The following ADAMTS2 variants were observed in gnomAD, a reference collection of about 807,000 sequenced individuals.
The protein encoded by ADAMTS2 is ADAM metallopeptidase with thrombospondin type 1 motif 2.
In ADAMTS2, 50 loss-of-function variants were observed where a neutral mutation model predicts 123.0. The ratio of observed to expected loss-of-function variants is 0.41; its 90% CI spans 0.32 to 0.51. The LOEUF (loss-of-function observed/expected upper bound fraction) is 0.51. ADAMTS2 is among the 20% of genes least tolerant of loss of function. ADAMTS2 has a pLI of 0.35. For missense variants in ADAMTS2, 1,494 were observed against 1,705.2 expected, an observed-to-expected ratio of 0.88 and a Z score of 2.18; for synonymous variants, 678 against 695.4, an observed-to-expected ratio of 0.98 and a Z score of 0.39.
intron 2 of ADAMTS2, among the ~76,000 whole-genome samples, chr5:179,294,650 G>A (rs937747294): frequency 7.2e-5 from 11 of 152,334 alleles, no homozygotes; most frequent in East Asian, 5.8e-4. Flanking sequence ...CAGCTTCCCC[G>A]CAGGGCTGCA....
In ADAMTS2 at chr5:179,122,861, A is replaced by G. The variant is rs536409425; in HGVS notation, c.2959-88T>C. 1,400 of 1,536,028 alleles carry G rather than the reference A, an allele frequency of 9.1e-4. 5 individuals are homozygous for G. The highest frequency in any genetic ancestry group is 8.4e-4 in the Non-Finnish European group (960 of 1,139,022). The stretch of plus-strand genomic sequence containing the variant: ...GGAGGAGCCCACAGTCCCCAGGCAC[A>G]TGACCCATGCGCTCAGGAGGAGGTG... On this transcript the variant is annotated intron_variant, in intron 19 of 21. Transcript: ENST00000251582.
chr5:179,208,903 C>T (rs1402149078), intron 3 of ADAMTS2, among the ~76,000 whole-genome samples: 1 of 152,164 alleles, frequency 6.6e-6, no homozygotes. Context: ...ACCCACAGGG[C>T]GGTGGCCAGG....
chr5:179,132,683 G>C lies in ADAMTS2; in HGVS notation c.2209+94C>G, dbSNP rs1394219545. The stretch of plus-strand genomic sequence containing the variant: ...CCCTCCCCAGAACAGTCATAAGCCC[G>C]GACAGCCCCAGGATGAGTCAGGCCC... On this transcript the variant is annotated intron_variant, in intron 14 of 21. Coordinates refer to ENST00000251582, the MANE Select transcript of ADAMTS2 (RefSeq NM_014244.5). This position sits in a 1 kb window ranked among gnomAD's most constrained non-coding sequence, Gnocchi z 6.1. 6 of 1,391,310 alleles carry C rather than the reference G, an allele frequency of 4.3e-6. No individual in the cohort carries two copies. The Admixed American group carries it at 9.3e-5, about 22-fold the overall frequency. The allele number at this position is 1,391,310 out of a possible 1,614,324, so 86.2% of individuals were successfully genotyped here.
chr5:179,293,255 G>A (rs1025423752), intron 2 of ADAMTS2, among the ~76,000 whole-genome samples: 1 of 152,252 alleles, frequency 6.6e-6, no homozygotes, highest in African/African-American at 2.4e-5. Flanking sequence ...CTTCACAAAA[G>A]AGGCAGCGGC....
At chr5:179,121,388 G>A in intron 21 of ADAMTS2, 1 of 277,090 alleles carries the variant, frequency 3.6e-6, no homozygotes, top group Non-Finnish European at 6.7e-6. Context: ...TTGGCCACCG[G>A]CCCCTCCTGC....
At chr5:179,206,364 C>T (rs1764694661) in intron 4 of ADAMTS2, among the ~76,000 whole-genome samples, 1 of 152,188 alleles carries the variant, frequency 6.6e-6, no homozygotes, top group Non-Finnish European at 1.5e-5. Flanking sequence ...GGGCTCACCC[C>T]TGGTCCGAAA....
At chr5:179,296,915 G>A (rs1756355373) in intron 2 of ADAMTS2, among the ~76,000 whole-genome samples, 1 of 152,208 alleles carries the variant, frequency 6.6e-6, no homozygotes, top group Non-Finnish European at 1.5e-5. Flanking sequence ...CATGCCGTCT[G>A]TAACACATGC....
In ADAMTS2 at chr5:179,332,992, G is replaced by A. The variant is rs890642380; in HGVS notation, c.534+10775C>T. Among the ~76,000 whole-genome samples, 8 of 152,164 alleles carry A rather than the reference G, an allele frequency of 5.3e-5. No homozygotes were observed. Among genetic ancestry groups the A allele is most frequent in the East Asian group, 1.9e-4 (1 of 5,186 alleles). ...GAGCCCTCACCCCCTTATCCTGCCC[G>A]CTTGCCTGTGAGGACCCCTCCCTAC... On this transcript the variant is annotated intron_variant, in intron 2 of 21. Coordinates refer to ENST00000251582, the MANE Select transcript of ADAMTS2 (RefSeq NM_014244.5). This position sits in a 1 kb window ranked among gnomAD's most constrained non-coding sequence, Gnocchi z 4.2.
At chr5:179,269,425 G>T (rs1766466737) in intron 3 of ADAMTS2, among the ~76,000 whole-genome samples, 1 of 152,162 alleles carries the variant, frequency 6.6e-6, no homozygotes, top group Admixed American at 6.5e-5. Flanking sequence ...CATGGCAGAA[G>T]ATGAAAGGCA....
chr5:179,119,291 G>T (rs1707929400), intron 21 of ADAMTS2, among the ~76,000 whole-genome samples: 1 of 152,174 alleles, frequency 6.6e-6, no homozygotes, highest in Non-Finnish European at 1.5e-5. Flanking sequence ...CGCTACCATG[G>T]TTGCTCCCTC....
At chr5:179,205,814 G>C (rs1366645422) in intron 4 of ADAMTS2, among the ~76,000 whole-genome samples, 11 of 150,266 alleles carry the variant, frequency 7.3e-5, no homozygotes, top group Middle Eastern at 3.2e-3. Context: ...CTCTGTCACT[G>C]AGGCTAGAGT....
intron 3 of ADAMTS2, among the ~76,000 whole-genome samples, chr5:179,257,167 C>T (rs1217002598): frequency 6.6e-6 from 1 of 152,220 alleles, no homozygotes; most frequent in African/African-American, 2.4e-5. Context: ...CCCCACACTC[C>T]TTCCCAGTTC....
At chr5:179,245,934 C>A (rs1213181209) in intron 3 of ADAMTS2, among the ~76,000 whole-genome samples, 1 of 151,968 alleles carries the variant, frequency 6.6e-6, no homozygotes, top group African/African-American at 2.4e-5. Context: ...ACCAAAGTGA[C>A]AGAATAGAGG....
intron 2 of ADAMTS2, among the ~76,000 whole-genome samples, chr5:179,293,170 T>G (rs1006605744): frequency 6.6e-6 from 1 of 152,206 alleles, no homozygotes; most frequent in Non-Finnish European, 1.5e-5. Flanking sequence ...CACTTTCCTC[T>G]GCTCCCCGAA....
At chr5:179,173,054 A>G (rs1298333779) in intron 5 of ADAMTS2, among the ~76,000 whole-genome samples, 2 of 150,076 alleles carry the variant, frequency 1.3e-5, no homozygotes, top group Non-Finnish European at 3.0e-5. Flanking sequence ...AAAAAAAAAG[A>G]AAAAAAAATT....
intron 2 of ADAMTS2, among the ~76,000 whole-genome samples, chr5:179,318,418 C>T (rs899955387): frequency 6.6e-5 from 10 of 151,890 alleles, no homozygotes; most frequent in African/African-American, 2.2e-4. Context: ...GAAGGAGATG[C>T]CGGGCGGGGC....
chr5:179,340,722 C>T (rs988892961), intron 2 of ADAMTS2, among the ~76,000 whole-genome samples: 1 of 152,022 alleles, frequency 6.6e-6, no homozygotes. Context: ...TTAAACAAGG[C>T]GAGGTGGCAC....
rs191263024 is a variant in ADAMTS2 at position 179,285,771 on chromosome 5, G to T, written c.535-12707C>A. Among the ~76,000 whole-genome samples, 1 of 152,158 alleles carries T rather than the reference G, an allele frequency of 6.6e-6. No individual in the cohort carries two copies. The highest frequency in any genetic ancestry group is 2.4e-5 in the African/African-American group (1 of 41,422). ...CTCTACTAAAGAAGAAAAATGACTCGTGCTGCAGGAACATTTGCCAAACTA... is the reference window on the plus strand; with the variant it reads ...CTCTACTAAAGAAGAAAAATGACTCTTGCTGCAGGAACATTTGCCAAACTA... On this transcript the variant is annotated intron_variant, in intron 2 of 21. Coordinates refer to ENST00000251582, the MANE Select transcript of ADAMTS2 (RefSeq NM_014244.5). This position sits in a 1 kb window ranked among gnomAD's most constrained non-coding sequence, Gnocchi z 4.9.
chr5:179,169,596 G>T (rs112883375), intron 5 of ADAMTS2, among the ~76,000 whole-genome samples: 1 of 152,310 alleles, frequency 6.6e-6, no homozygotes, highest in Non-Finnish European at 1.5e-5. Flanking sequence ...TGTCCCTGGG[G>T]TGAGGCATGG....
Sources: allele counts gnomAD v4.1 joint callset (sites outside exome capture counted in the v4.1 genomes callset), GRCh38; gene constraint gnomAD v4.1.1; non-coding constraint Gnocchi (gnomAD v3.1); transcripts MANE v1.5; gene names NCBI Gene and HGNC (gene_info 2026-07-23, HGNC 2026-07-21).